Variants in SYT1 observed in about 807,000 individuals in gnomAD.
The protein encoded by SYT1 is synaptotagmin-1.
SYT1 carries 8 observed loss-of-function variants against 44.8 expected under a neutral mutation model. That is an observed-to-expected ratio of 0.18 (90% CI 0.10 to 0.32). The LOEUF is 0.32. Among genes scored for constraint, SYT1 ranks in the 10% least tolerant of loss-of-function variants. The pLI is 1.00. For synonymous variants in SYT1, 154 were observed against 188.8 expected, an observed-to-expected ratio of 0.82 and a Z score of 1.51; for missense variants, 286 against 509.3, an observed-to-expected ratio of 0.56 and a Z score of 4.22.
chr12:79,404,112 C>CAGTGAAA (rs1325826570), intron 9 of SYT1, among the ~76,000 whole-genome samples: 10 of 152,090 alleles, frequency 6.6e-5, no homozygotes, highest in African/African-American at 2.4e-4. Context: ...GAAACTTGGC[C>CAGTGAAA]TCTGAGTACA....
At chr12:79,153,353 T>G (rs1870395579) in intron 3 of SYT1, among the ~76,000 whole-genome samples, 1 of 152,150 alleles carries the variant, frequency 6.6e-6, no homozygotes, top group African/African-American at 2.4e-5. Context: ...TCTGGAAAAT[T>G]GTAGGTCGGA....
At chr12:78,927,418 T>C (rs1016755583) in intron 1 of SYT1, among the ~76,000 whole-genome samples, 2 of 152,204 alleles carry the variant, frequency 1.3e-5, no homozygotes, top group African/African-American at 2.4e-5. Context: ...AATTGAACTG[T>C]AAATTTTACT....
At chr12:79,301,603 G>C (rs532050092) in intron 8 of SYT1, among the ~76,000 whole-genome samples, 1 of 152,242 alleles carries the variant, frequency 6.6e-6, no homozygotes, top group South Asian at 2.1e-4. Context: ...CACTAAGTGA[G>C]AGGTCTCTCA....
At chr12:79,120,901 G>T (rs538283587) in intron 3 of SYT1, among the ~76,000 whole-genome samples, 119 of 150,172 alleles carry the variant, frequency 7.9e-4, no homozygotes, top group Non-Finnish European at 1.3e-3. Flanking sequence ...CTTGAAGGAA[G>T]TTCATATGTA....
At chr12:78,919,146 C>T (rs538141401) in intron 1 of SYT1, among the ~76,000 whole-genome samples, 2 of 152,014 alleles carry the variant, frequency 1.3e-5, no homozygotes, top group South Asian at 4.1e-4. Flanking sequence ...ATTCCACAGA[C>T]AATAAAGTTA....
intron 1 of SYT1, among the ~76,000 whole-genome samples, chr12:78,908,633 G>C (rs1876131843): frequency 6.6e-6 from 1 of 151,784 alleles, no homozygotes; most frequent in Non-Finnish European, 1.5e-5. Flanking sequence ...GTTTTCCCAT[G>C]TTCCAGTGGT....
intron 3 of SYT1, among the ~76,000 whole-genome samples, chr12:79,161,880 A>G (rs988147965): frequency 2.6e-5 from 4 of 152,146 alleles, no homozygotes; most frequent in African/African-American, 9.6e-5. Context: ...AGACACAAGT[A>G]AGTAACATAT....
intron 3 of SYT1, among the ~76,000 whole-genome samples, chr12:79,188,775 G>T (rs1872944836): frequency 6.6e-6 from 1 of 152,026 alleles, no homozygotes; most frequent in South Asian, 2.1e-4. Flanking sequence ...AGAGAAAATA[G>T]TTAACACAAA....
intron 1 of SYT1, among the ~76,000 whole-genome samples, chr12:78,902,502 A>G (rs976026241): frequency 3.9e-5 from 6 of 152,088 alleles, no homozygotes; most frequent in Admixed American, 2.0e-4. Flanking sequence ...TAGTGTAGGT[A>G]ATATAAACTG....
intron 1 of SYT1, among the ~76,000 whole-genome samples, chr12:78,954,553 A>C (rs1879119171): frequency 6.6e-6 from 1 of 152,030 alleles, no homozygotes; most frequent in South Asian, 2.1e-4. Context: ...AAAGAGAGAA[A>C]GAAAAATATA....
intron 3 of SYT1, among the ~76,000 whole-genome samples, chr12:79,215,918 CTTTTTTTTTTT>C (rs71091653): frequency 1.0e-4 from 8 of 76,792 alleles, no homozygotes; most frequent in Admixed American, 6.4e-4. Flanking sequence ...GCATTTCTTT[CTTTTTTTTTTT>C]TTTTTTTTTT....
intron 9 of SYT1, among the ~76,000 whole-genome samples, chr12:79,357,941 A>G (rs534024063): frequency 1.7e-4 from 26 of 152,344 alleles, no homozygotes; most frequent in Middle Eastern, 3.4e-3. Context: ...TCCCAAAGGT[A>G]TGAGGCTGTG....
intron 8 of SYT1, among the ~76,000 whole-genome samples, chr12:79,352,763 T>G (rs1007695982): frequency 6.6e-6 from 1 of 152,182 alleles, no homozygotes; most frequent in Non-Finnish European, 1.5e-5. Flanking sequence ...CAAAAATGCC[T>G]GAGTACAGGA....
At chr12:79,311,629 C>T (rs529187882) in intron 8 of SYT1, among the ~76,000 whole-genome samples, 450 of 134,782 alleles carry the variant, frequency 3.3e-3, no homozygotes, top group Non-Finnish European at 5.3e-3. Context: ...AAATGTCCAA[C>T]AATGATAGAC....
At chr12:78,874,105 T>G (rs1057465423) in intron 1 of SYT1, among the ~76,000 whole-genome samples, 2 of 151,644 alleles carry the variant, frequency 1.3e-5, no homozygotes, top group Non-Finnish European at 3.0e-5. Flanking sequence ...GTACTTTCCA[T>G]GCTTCATCCC....
At chr12:79,253,719 C>T (rs373020918) in intron 4 of SYT1, among the ~76,000 whole-genome samples, 2 of 152,106 alleles carry the variant, frequency 1.3e-5, no homozygotes, top group African/African-American at 4.8e-5. Context: ...AGCTAGTCAT[C>T]TCGCACAACT....
intron 3 of SYT1, among the ~76,000 whole-genome samples, chr12:79,172,679 A>G (rs1363904363): frequency 1.3e-5 from 2 of 151,744 alleles, no homozygotes; most frequent in Non-Finnish European, 2.9e-5. Flanking sequence ...AACACTTGAG[A>G]TTTGTCAATT....
intron 3 of SYT1, among the ~76,000 whole-genome samples, chr12:79,091,272 A>G (rs903921015): frequency 2.0e-5 from 3 of 152,028 alleles, no homozygotes; most frequent in Non-Finnish European, 2.9e-5. Context: ...CAAAGGGAAG[A>G]AAAACATATA....
chr12:79,091,257 A>G (rs1355246320), intron 3 of SYT1, among the ~76,000 whole-genome samples: 1 of 152,006 alleles, frequency 6.6e-6, no homozygotes, highest in Admixed American at 6.6e-5. Context: ...GAGATAAGAC[A>G]TTAGCAAAGG....
Sources: gnomAD v4.1 joint callset for allele counts (sites outside exome capture counted in the v4.1 genomes callset) on GRCh38, gnomAD v4.1.1 for gene constraint, MANE v1.5 for transcripts, NCBI Gene and HGNC (gene_info 2026-07-23, HGNC 2026-07-21) for gene names.